The following PLCH1 variants were observed in gnomAD, a reference collection of about 807,000 sequenced individuals.
The protein encoded by PLCH1 is 1-phosphatidylinositol 4,5-bisphosphate phosphodiesterase eta-1.
In PLCH1, 60 loss-of-function variants were observed where a neutral mutation model predicts 126.7. That is an observed-to-expected ratio of 0.47 (90% confidence interval 0.38 to 0.59). PLCH1 has a LOEUF of 0.59. Among genes scored for constraint, PLCH1 ranks in the 20% least tolerant of loss-of-function variants. PLCH1 has a pLI of 0.00. For missense variants in PLCH1, 1,723 were observed against 2,040.0 expected (o/e 0.84, Z 2.99); for synonymous variants, 719 against 734.9 (o/e 0.98, Z 0.35).
chr3:155,697,675 G>A (rs1258257761), intron 2 of PLCH1, among the ~76,000 whole-genome samples: 1 of 152,154 alleles, frequency 6.6e-6, no homozygotes, highest in Non-Finnish European at 1.5e-5. Context: ...GGAGAGAAGA[G>A]AAAGGGCAGG....
chr3:155,612,537 A>C (rs964955866), intron 2 of PLCH1, among the ~76,000 whole-genome samples: 19 of 152,148 alleles, frequency 1.2e-4, no homozygotes, highest in East Asian at 3.9e-4. Flanking sequence ...CAAACAACAA[A>C]AAAAAAAGAT....
rs1266011764 is a variant in PLCH1 at position 155,506,630 on chromosome 3, A to C, written c.1633-2004T>G. Among the ~76,000 whole-genome samples the C allele has an allele frequency of 3.0e-3, 425 of 141,128 alleles. 1 individual carries two copies. The highest frequency in any genetic ancestry group is 0.011 in the African/African-American group (405 of 38,084). 92.6% of individuals were successfully genotyped at this position (141,128 alleles called of 152,430 possible). A position where few individuals can be genotyped will look rare whatever the true frequency, so the allele number is the denominator to read the frequency against. ...TGGTTTTTTGTTCTTGCGATAGTTT[A>C]CTGAGAATGATGGTTTCCAATTTCA... On this transcript the variant is annotated intron_variant, in intron 12 of 22. Transcript: ENST00000460012.
intron 1 of PLCH1, among the ~76,000 whole-genome samples, chr3:155,736,566 G>A (rs886724616): frequency 6.6e-6 from 1 of 152,194 alleles, no homozygotes; most frequent in Non-Finnish European, 1.5e-5. Flanking sequence ...GTAGTCAGAC[G>A]AGTCTGATTC....
At chr3:155,538,107 G>A (rs1386349207) in intron 10 of PLCH1, among the ~76,000 whole-genome samples, 8 of 151,924 alleles carry the variant, frequency 5.3e-5, no homozygotes, top group Admixed American at 4.6e-4. Flanking sequence ...CCCACAAAAC[G>A]TGCAAATACA....
At chr3:155,518,405 A>T (rs1720636687) in intron 11 of PLCH1, among the ~76,000 whole-genome samples, 1 of 152,160 alleles carries the variant, frequency 6.6e-6, no homozygotes, top group Non-Finnish European at 1.5e-5. Context: ...GGCCTATGAA[A>T]ATGGCTGAAT....
chr3:155,664,627 C>T (rs1467094236), intron 2 of PLCH1, among the ~76,000 whole-genome samples: 1 of 152,196 alleles, frequency 6.6e-6, no homozygotes, highest in East Asian at 1.9e-4. Context: ...ATTTGGCCCA[C>T]AGGGCGTAGT....
intron 11 of PLCH1, among the ~76,000 whole-genome samples, chr3:155,521,628 T>C (rs1353241315): frequency 6.6e-6 from 1 of 152,166 alleles, no homozygotes; most frequent in Non-Finnish European, 1.5e-5. Flanking sequence ...AGATATTCAG[T>C]TTCTCAGGGA....
chr3:155,456,608 A>G (rs191644080), intron 21 of PLCH1: 270 of 152,452 alleles, frequency 1.8e-3, no homozygotes, highest in African/African-American at 6.3e-3. Flanking sequence ...AGGAGGTCTA[A>G]TGGGAATCTC....
At chr3:155,704,502 C>T (rs2109083989) in intron 1 of PLCH1, among the ~76,000 whole-genome samples, 1 of 152,262 alleles carries the variant, frequency 6.6e-6, no homozygotes, top group East Asian at 1.9e-4. Flanking sequence ...TTTCAGGGCT[C>T]AATGTTACCC....
At chr3:155,735,451 T>G (rs9854237) in intron 1 of PLCH1, among the ~76,000 whole-genome samples, 2 of 151,800 alleles carry the variant, frequency 1.3e-5, no homozygotes, top group African/African-American at 4.8e-5. Context: ...CTGGCCAACA[T>G]AGTGAAACCC....
At chr3:155,479,106 A>C (rs978446443), downstream of PLCH1, among the ~76,000 whole-genome samples, 1 of 152,212 alleles carries the variant, frequency 6.6e-6, no homozygotes, top group African/African-American at 2.4e-5. Context: ...ACAAAACAAA[A>C]CAAATGTAAA....
chr3:155,485,409 G>A lies in PLCH1; in HGVS notation c.2921C>T (p.Ser974Leu), dbSNP rs1560051139. The A allele has an allele frequency of 1.9e-6, 3 of 1,610,104 alleles. No homozygotes were observed. Among genetic ancestry groups the A allele is most frequent in the Middle Eastern group, 1.7e-4 (1 of 6,050 alleles). Residue 974 changes from serine (S) to leucine (L), a missense_variant, in exon 22 of 23, where the codon TCG becomes TTG. Ser to Leu is a moderately radical substitution (Grantham distance 145, BLOSUM62 -2). Transcript: ENST00000460012. ...PVDRNLLGALSLPVSETAKDI... is the reference protein window; with the variant it reads ...PVDRNLLGALLLPVSETAKDI... The stretch of plus-strand genomic sequence containing the variant: ...TTTTGCTGTTTCAGATACAGGCAGC[G>A]ACAAAGCTCCCAGAAGGTTTCTGTC...
intron 10 of PLCH1, among the ~76,000 whole-genome samples, chr3:155,532,253 C>G (rs957776700): frequency 3.3e-5 from 5 of 152,192 alleles, no homozygotes; most frequent in African/African-American, 1.2e-4. Context: ...ACTTGTGCTA[C>G]AAGAACTACT....
intron 9 of PLCH1, among the ~76,000 whole-genome samples, chr3:155,552,685 A>G (rs1231233480): frequency 2.0e-5 from 3 of 152,220 alleles, no homozygotes; most frequent in Non-Finnish European, 2.9e-5. Flanking sequence ...AAGACAAGGG[A>G]GATGCCAGAC....
chr3:155,612,738 G>A (rs563790102), intron 2 of PLCH1, among the ~76,000 whole-genome samples: 8 of 151,628 alleles, frequency 5.3e-5, no homozygotes, highest in East Asian at 3.9e-4. Context: ...GAGCAAACCC[G>A]TCTCTACTAA....
At chr3:155,732,450 GC>G (rs1748840985) in intron 1 of PLCH1, among the ~76,000 whole-genome samples, 1 of 151,764 alleles carries the variant, frequency 6.6e-6, no homozygotes, top group African/African-American at 2.4e-5. Context: ...ACTTTGGGAG[GC>G]CGAGGCGGGT....
At chr3:155,644,510 G>A (rs1739781657) in intron 2 of PLCH1, among the ~76,000 whole-genome samples, 1 of 152,146 alleles carries the variant, frequency 6.6e-6, no homozygotes, top group Non-Finnish European at 1.5e-5. Context: ...GGCTAAGGCA[G>A]GAGAATCACT....
intron 2 of PLCH1, among the ~76,000 whole-genome samples, chr3:155,661,894 C>T (rs1453988665): frequency 6.6e-6 from 1 of 152,170 alleles, no homozygotes; most frequent in Non-Finnish European, 1.5e-5. Flanking sequence ...AGCAAATAGG[C>T]ACTTCCTACT....
At position 155,472,500 on chromosome 3, in the gene PLCH1, C is replaced by G. The variant is rs1437987951; in HGVS notation, c.2938+12856G>C. ...TCACAGCCGAATTCTACCAGAGGTA[C>G]AAGGAGGAACTGGTACCATTCCTTC... is the stretch of plus-strand genomic sequence containing the variant. On this transcript the variant is annotated intron_variant, in intron 21 of 21. Coordinates refer to the PLCH1 transcript ENST00000494598. Among the ~76,000 whole-genome samples the G allele has an allele frequency of 3.3e-5, 5 of 150,726 alleles. No homozygotes were observed. The East Asian group carries it at 9.8e-4, about 29-fold the overall frequency.
Sources: allele counts gnomAD v4.1 joint callset (sites outside exome capture counted in the v4.1 genomes callset), GRCh38; gene constraint gnomAD v4.1.1; transcripts MANE v1.5; gene names NCBI Gene and HGNC (gene_info 2026-07-23, HGNC 2026-07-21).